Variants in ATP8A2 observed in about 807,000 individuals in gnomAD.
ATP8A2 encodes the protein phospholipid-transporting ATPase IB.
ATP8A2 carries 100 observed loss-of-function variants against 165.6 expected under a neutral mutation model. The observed-to-expected ratio is 0.60, with a 90% CI of 0.51 to 0.71. The LOEUF (loss-of-function observed/expected upper bound fraction) is 0.71, where lower values mean the gene tolerates loss of function less well. ATP8A2 is among the 30% of genes least tolerant of loss of function. The pLI is 0.00. For synonymous variants in ATP8A2, 543 were observed against 548.8 expected, an observed-to-expected ratio of 0.99 and a Z score of 0.15; for missense variants, 1,227 against 1,479.5, an observed-to-expected ratio of 0.83 and a Z score of 2.80.
chr13:25,799,481 T>C (rs1950573415), intron 27 of ATP8A2, among the ~76,000 whole-genome samples: 1 of 152,230 alleles, frequency 6.6e-6, no homozygotes, highest in Admixed American at 6.5e-5. Context: ...AGCTCCTACC[T>C]GAGTCTAAAC....
rs566262532 is a variant in ATP8A2, at chr13:26,012,412, C to G, written c.3378-119C>G. The G allele has an allele frequency of 5.2e-6, 4 of 774,516 alleles. No homozygotes were observed. The East Asian group carries it at 9.3e-5, about 18-fold the overall frequency. 48.0% of individuals were successfully genotyped at this position (774,516 alleles called of 1,614,324 possible). A position where few individuals can be genotyped will look rare whatever the true frequency, so the allele number is the denominator to read the frequency against. ...AAATCACGGGCCGCTGGTGAAGCAC[C>G]ACGCCTTACCCGACGTGGGGAGGTG... is the stretch of plus-strand genomic sequence containing the variant. On this transcript the variant is annotated intron_variant, in intron 35 of 36. Transcript: ENST00000381655.
intron 25 of ATP8A2, among the ~76,000 whole-genome samples, chr13:25,717,109 G>C (rs1452969617): frequency 1.3e-5 from 2 of 152,166 alleles, no homozygotes; most frequent in Non-Finnish European, 2.9e-5. Flanking sequence ...ATATCCACCT[G>C]CTGGCAGCAT....
At chr13:25,591,583 CTTTT>C (rs749798935) in intron 24 of ATP8A2, among the ~76,000 whole-genome samples, 1 of 131,834 alleles carries the variant, frequency 7.6e-6, no homozygotes. Flanking sequence ...TAGCTTATAA[CTTTT>C]TTTTTTTTTT....
intron 2 of ATP8A2, among the ~76,000 whole-genome samples, chr13:25,511,455 T>C (rs963536849): frequency 2.0e-5 from 3 of 152,196 alleles, no homozygotes; most frequent in African/African-American, 7.2e-5. Flanking sequence ...TTGTATTCCC[T>C]GATATTTAGA....
intron 26 of ATP8A2, among the ~76,000 whole-genome samples, chr13:25,772,572 C>T (rs960994243): frequency 3.9e-5 from 6 of 152,088 alleles, no homozygotes; most frequent in Non-Finnish European, 5.9e-5. Flanking sequence ...CTTCCCCTCA[C>T]CTCCTGGAAG....
chr13:25,905,873 A>G (rs1035470156), intron 33 of ATP8A2, among the ~76,000 whole-genome samples: 11 of 152,208 alleles, frequency 7.2e-5, no homozygotes, highest in African/African-American at 2.7e-4. Flanking sequence ...AGAACTTGCC[A>G]GAAAGCCTGA....
rs2137968046 is a variant in ATP8A2 at position 25,538,002 on chromosome 13, C to T, written c.522C>T (p.Asp174=). Residue 174 remains aspartate, a synonymous_variant, in exon 7 of 37, where the codon GAC becomes GAT. Transcript: ENST00000381655. ...TGTCTCTCTAGGTGGCAGTGGGAGA[C>T]ATTGTGAAGGTCGTCAATGGGCAGT... is the stretch of plus-strand genomic sequence containing the variant. ...TIMWKEVAVG[D]IVKVVNGQYL... is the part of the protein sequence containing the mutation. 4 of 1,613,718 alleles carry T rather than the reference C, an allele frequency of 2.5e-6. No individual in the cohort carries two copies. Among genetic ancestry groups the T allele is most frequent in the South Asian group, 2.2e-5 (2 of 91,030 alleles).
At chr13:25,467,380 T>A (rs1421355795) in intron 1 of ATP8A2, among the ~76,000 whole-genome samples, 2 of 152,226 alleles carry the variant, frequency 1.3e-5, no homozygotes, top group Non-Finnish European at 2.9e-5. Flanking sequence ...ATATGTCAGC[T>A]TTCAGTAAAC....
intron 1 of ATP8A2, among the ~76,000 whole-genome samples, chr13:25,389,119 T>C (rs1310993286): frequency 6.6e-6 from 1 of 152,116 alleles, no homozygotes; most frequent in Non-Finnish European, 1.5e-5. Context: ...TCAGTGAAAT[T>C]TGGGGGAAGC....
chr13:25,558,880 C>G lies in ATP8A2; in HGVS notation c.1264-93C>G. On this transcript the variant is annotated intron_variant, in intron 13 of 36. Coordinates refer to ENST00000381655, the MANE Select transcript of ATP8A2 (RefSeq NM_016529.6). ...TTTAGGGAAATCTACCCGTTTCATA[C>G]AGGTTTTGAAAAATATAGAAGGAAA... The G allele has an allele frequency of 3.6e-6, 3 of 828,446 alleles. No homozygotes were observed. In the South Asian group the frequency reaches 5.8e-5, roughly 16 times the overall value. The allele number at this position is 828,446 out of a possible 1,614,324, so 51.3% of individuals were successfully genotyped here. A position where few individuals can be genotyped will look rare whatever the true frequency, so the allele number is the denominator to read the frequency against.
intron 24 of ATP8A2, among the ~76,000 whole-genome samples, chr13:25,678,378 G>A (rs1047708063): frequency 3.2e-4 from 49 of 152,084 alleles, no homozygotes; most frequent in African/African-American, 1.0e-3. Flanking sequence ...GGATATGGCC[G>A]GGAGTATTGC....
intron 33 of ATP8A2, chr13:25,950,941 A>T (rs1488138316): frequency 1.3e-5 from 2 of 151,904 alleles, no homozygotes; most frequent in African/African-American, 4.8e-5. Flanking sequence ...CCTCATGCAC[A>T]CTCCCTTTCC....
In ATP8A2 at chr13:25,563,855, A is replaced by G. The variant is rs112436026; in HGVS notation, c.1398-101A>G. The stretch of plus-strand genomic sequence containing the variant: ...AAAGTTTAATGTGAATCCCTATAGG[A>G]CTTTAGGTATGGTTCTTCTTGAAGG... On this transcript the variant is annotated intron_variant, in intron 15 of 36. Coordinates refer to ENST00000381655, the MANE Select transcript of ATP8A2 (RefSeq NM_016529.6). The G allele has an allele frequency of 4.1e-4, 314 of 760,446 alleles. 3 individuals are homozygous for G. The African/African-American group carries it at 4.5e-3, about 11-fold the overall frequency. The allele number at this position is 760,446 out of a possible 1,614,324, so 47.1% of individuals were successfully genotyped here.
At chr13:25,375,732 T>C (rs138067279) in intron 1 of ATP8A2, among the ~76,000 whole-genome samples, 15,176 of 151,496 alleles carry the variant, frequency 0.1, 1,304 homozygotes, top group African/African-American at 0.21. Flanking sequence ...ACCACCACAC[T>C]CAGCTAATTT....
Position 25,551,512 on chromosome 13 carries a change from C to T in ATP8A2, c.1057+9C>T, listed in dbSNP as rs188891960. 1.9e-6 allele frequency: 3 copies of T among 1,591,486 alleles called. No individual in the cohort carries two copies. Among genetic ancestry groups the T allele is most frequent in the Admixed American group, 3.4e-5 (2 of 58,032 alleles). On this transcript the variant is annotated intron_variant, in intron 11 of 36. Coordinates refer to ENST00000381655, the MANE Select transcript of ATP8A2 (RefSeq NM_016529.6). The stretch of plus-strand genomic sequence containing the variant: ...GTACATCAAGAAGATGGGTAAGTGT[C>T]GGGGTGGGTTGCTTGTTCCAGTGGA...
chr13:25,532,371 T>TAGGCCGGGC, intron 5 of ATP8A2, 54 bp downstream of exon 5: 1 of 1,293,040 alleles, frequency 7.7e-7, no homozygotes, highest in Non-Finnish European at 1.1e-6. Flanking sequence ...GAATAAGGCC[T>TAGGCCGGGC]GCATTTAAGG....
intron 1 of ATP8A2, among the ~76,000 whole-genome samples, chr13:25,440,029 T>A (rs1482745214): frequency 6.6e-6 from 1 of 152,092 alleles, no homozygotes; most frequent in Non-Finnish European, 1.5e-5. Flanking sequence ...AGGGAGAAGT[T>A]CTGTGGGGTG....
At chr13:26,016,481 A>C (rs1956977390) in intron 36 of ATP8A2, among the ~76,000 whole-genome samples, 1 of 152,230 alleles carries the variant, frequency 6.6e-6, no homozygotes. Flanking sequence ...GAGCTGAAGA[A>C]ACCCCCGGAG....
chr13:25,726,772 A>G (rs1409997454), intron 25 of ATP8A2, among the ~76,000 whole-genome samples: 3 of 152,158 alleles, frequency 2.0e-5, no homozygotes, highest in African/African-American at 7.2e-5. Flanking sequence ...GGGGGCTGTT[A>G]TTCAGCCTAC....
Sources: allele counts gnomAD v4.1 joint callset (sites outside exome capture counted in the v4.1 genomes callset), GRCh38; gene constraint gnomAD v4.1.1; transcripts MANE v1.5; gene names NCBI Gene and HGNC (gene_info 2026-07-23, HGNC 2026-07-21).